Variants in CACNA1C observed in about 807,000 individuals in gnomAD.
The protein encoded by CACNA1C is calcium voltage-gated channel subunit alpha1 C.
A neutral mutation model predicts 229.0 loss-of-function variants in CACNA1C; 30 were observed. The observed-to-expected ratio is 0.13, with a 90% CI of 0.10 to 0.18. The LOEUF (loss-of-function observed/expected upper bound fraction) is 0.18, where lower values mean the gene tolerates loss of function less well. Among genes scored for constraint, CACNA1C ranks in the 10% least tolerant of loss-of-function variants. The probability of loss-of-function intolerance (pLI) is 1.00; values close to 1 mark genes in which losing one functional copy is unlikely to be tolerated. For missense variants in CACNA1C, 1,658 were observed against 2,845.0 expected, an observed-to-expected ratio of 0.58 and a Z score of 9.49; for synonymous variants, 1,114 against 1,132.5, an observed-to-expected ratio of 0.98 and a Z score of 0.33.
At chr12:2,555,964 T>C (rs2044007979) in intron 10 of CACNA1C, among the ~76,000 whole-genome samples, 1 of 152,000 alleles carries the variant, frequency 6.6e-6, no homozygotes. Context: ...TCCACCACTG[T>C]CTCCATCCCT....
At chr12:1,978,103 G>T (rs538844556) in intron 1 of CACNA1C, among the ~76,000 whole-genome samples, 1 of 152,086 alleles carries the variant, frequency 6.6e-6, no homozygotes, top group Admixed American at 6.6e-5. Flanking sequence ...TAAGTTATAC[G>T]GTTTCCATAT....
intron 13 of CACNA1C, among the ~76,000 whole-genome samples, chr12:2,579,698 A>C (rs994683754): frequency 2.0e-5 from 3 of 152,088 alleles, no homozygotes; most frequent in African/African-American, 4.8e-5. Context: ...CTTCCATCTC[A>C]GTCTCCCCAG....
At position 2,185,819 on chromosome 12, in the gene CACNA1C, A is replaced by G. The variant is rs370124887; in HGVS notation, c.477+65389A>G. The stretch of plus-strand genomic sequence containing the variant: ...TGGCCCTGGGCAGAAGCGGCCTGGG[A>G]GTGTCACTCACCCTTCCTCCTGCAC... On this transcript the variant is annotated intron_variant, in intron 3 of 46. Coordinates refer to ENST00000399655, the MANE Select transcript of CACNA1C (RefSeq NM_000719.7). Among the ~76,000 whole-genome samples the G allele has an allele frequency of 3.1e-4, 47 of 152,074 alleles. No individual in the cohort carries two copies. The East Asian group carries it at 8.9e-3, about 29-fold the overall frequency.
intron 16 of CACNA1C, among the ~76,000 whole-genome samples, chr12:2,584,924 G>T (rs1049999904): frequency 2.0e-5 from 3 of 152,148 alleles, no homozygotes; most frequent in Admixed American, 6.5e-5. Context: ...TAACCACTCA[G>T]TTGGGAAACG....
chr12:2,315,128 T>A (rs575638946), intron 3 of CACNA1C, among the ~76,000 whole-genome samples: 2 of 152,264 alleles, frequency 1.3e-5, no homozygotes, highest in South Asian at 4.1e-4. Context: ...CTCTCCCGGG[T>A]CACACTTTCC....
chr12:2,320,241 A>T (rs978637799), intron 3 of CACNA1C, among the ~76,000 whole-genome samples: 3 of 152,164 alleles, frequency 2.0e-5, no homozygotes, highest in Non-Finnish European at 4.4e-5. Context: ...AGCTACCCTC[A>T]TCCTAACTCC....
chr12:2,437,778 AGGTGGTGAT>A (rs1433997952), intron 3 of CACNA1C, among the ~76,000 whole-genome samples: 1 of 145,636 alleles, frequency 6.9e-6, no homozygotes, highest in African/African-American at 2.6e-5. Context: ...GAGATGGTAG[AGGTGGTGAT>A]GGTGGTGGTG....
chr12:2,683,658 C>T (rs2097291005), intron 43 of CACNA1C, among the ~76,000 whole-genome samples: 1 of 152,218 alleles, frequency 6.6e-6, no homozygotes, highest in African/African-American at 2.4e-5. Context: ...GGCAGGCCAG[C>T]GGCAGGTGTG....
chr12:2,343,541 A>G (rs1340860924), intron 3 of CACNA1C, among the ~76,000 whole-genome samples: 1 of 152,188 alleles, frequency 6.6e-6, no homozygotes, highest in African/African-American at 2.4e-5. Context: ...CTGAAAAAAA[A>G]ATTATTTGTT....
chr12:1,984,052 T>G (rs2036931779), intron 1 of CACNA1C, among the ~76,000 whole-genome samples: 1 of 152,044 alleles, frequency 6.6e-6, no homozygotes. Flanking sequence ...GACACCCCAG[T>G]TTTCTTTTCA....
intron 3 of CACNA1C, among the ~76,000 whole-genome samples, chr12:2,251,704 G>C (rs889460717): frequency 6.6e-6 from 1 of 152,206 alleles, no homozygotes; most frequent in Admixed American, 6.5e-5. Context: ...TGTCTCTCTT[G>C]GAAAAATAAT....
At chr12:2,162,634 C>T (rs576604997) in intron 3 of CACNA1C, among the ~76,000 whole-genome samples, 10 of 152,080 alleles carry the variant, frequency 6.6e-5, no homozygotes, top group East Asian at 3.9e-4. Context: ...GACGTGCCCC[C>T]GTGAATAGCA....
At chr12:2,589,181 G>T (rs1393277002) in intron 18 of CACNA1C, among the ~76,000 whole-genome samples, 1 of 152,206 alleles carries the variant, frequency 6.6e-6, no homozygotes, top group Admixed American at 6.5e-5. Context: ...GGGGGTCCTT[G>T]TTGTGGGCAA....
chr12:2,205,476 GC>G (rs1433284279), intron 3 of CACNA1C, among the ~76,000 whole-genome samples: 1 of 152,172 alleles, frequency 6.6e-6, no homozygotes, highest in Non-Finnish European at 1.5e-5. Flanking sequence ...CTTTCATCTT[GC>G]CCTGTGGTGC....
At chr12:2,380,657 G>T (rs577737861) in intron 3 of CACNA1C, among the ~76,000 whole-genome samples, 11 of 152,186 alleles carry the variant, frequency 7.2e-5, no homozygotes, top group Non-Finnish European at 1.2e-4. Flanking sequence ...GTATCACAAA[G>T]GTTGTTCTTG....
intron 2 of CACNA1C, among the ~76,000 whole-genome samples, chr12:2,118,367 T>C (rs1330720139): frequency 6.6e-6 from 1 of 152,172 alleles, no homozygotes; most frequent in African/African-American, 2.4e-5. Context: ...GTCACTTTCC[T>C]AAGCAGGCGA....
At chr12:2,369,402 C>CTTTTT (rs1567283491) in intron 3 of CACNA1C, among the ~76,000 whole-genome samples, 6 of 116,666 alleles carry the variant, frequency 5.1e-5, no homozygotes, top group African/African-American at 1.8e-4. Context: ...ACTTTACATA[C>CTTTTT]CTTTTTTTTT....
Position 2,666,716 on chromosome 12 carries a change from C to A in CACNA1C, c.4557C>A (p.Thr1519=). ...GTATCAAACACCTGGATGTGGTGAC[C>A]CTCCTCCGGCGGATTCAGCCGCCAC... is the stretch of plus-strand genomic sequence containing the variant. The part of the protein sequence containing the change: ...KGRIKHLDVV[T]LLRRIQPPLG... The change falls in exon 37 of 47, where the codon ACC becomes ACA. Residue 1519 remains threonine (T), a synonymous_variant. Coordinates refer to ENST00000399655, the MANE Select transcript of CACNA1C (RefSeq NM_000719.7). The surrounding 1 kb of genome is among the most constrained non-coding windows in gnomAD (Gnocchi z 5.3). 6.2e-7 allele frequency: 1 copy of A among 1,601,044 alleles called. No individual in the cohort carries two copies. The highest frequency in any genetic ancestry group is 8.5e-7 in the Non-Finnish European group (1 of 1,173,676).
intron 3 of CACNA1C, among the ~76,000 whole-genome samples, chr12:2,293,134 A>G (rs541419103): frequency 6.6e-6 from 1 of 152,132 alleles, no homozygotes; most frequent in Admixed American, 6.5e-5. Context: ...AGGGCAGGAG[A>G]GGGAAAGGAG....
Sources: allele counts gnomAD v4.1 joint callset (sites outside exome capture counted in the v4.1 genomes callset), GRCh38; gene constraint gnomAD v4.1.1; non-coding constraint Gnocchi (gnomAD v3.1); transcripts MANE v1.5; gene names NCBI Gene and HGNC (gene_info 2026-07-23, HGNC 2026-07-21).